CDH12: variants seen among roughly 807,000 people sequenced by gnomAD.
The protein encoded by CDH12 is cadherin-12.
Under a neutral mutation model 74.1 loss-of-function variants are expected in CDH12, and 41 were observed. The ratio of observed to expected loss-of-function variants is 0.55; its 90% CI spans 0.43 to 0.72. CDH12 has a LOEUF of 0.72. CDH12 is among the 30% of genes least tolerant of loss of function. The probability of loss-of-function intolerance (pLI) is 0.00; values close to 1 mark genes in which losing one functional copy is unlikely to be tolerated. For missense variants in CDH12, 945 were observed against 977.2 expected, an observed-to-expected ratio of 0.97 and a Z score of 0.44; for synonymous variants, 399 against 355.0, an observed-to-expected ratio of 1.12 and a Z score of -1.39.
At chr5:22,370,526 T>C (rs1741238934) in intron 3 of CDH12, among the ~76,000 whole-genome samples, 1 of 152,222 alleles carries the variant, frequency 6.6e-6, no homozygotes, top group African/African-American at 2.4e-5. Context: ...TTTAGAAACG[T>C]ATTTTATAGA....
chr5:22,634,412 T>C (rs946254650), intron 1 of CDH12, among the ~76,000 whole-genome samples: 3 of 151,938 alleles, frequency 2.0e-5, no homozygotes, highest in Non-Finnish European at 2.9e-5. Context: ...AGGTCAACAA[T>C]AACCAAAAGA....
intron 1 of CDH12, among the ~76,000 whole-genome samples, chr5:22,616,477 T>TC (rs1489808996): frequency 6.6e-6 from 1 of 152,092 alleles, no homozygotes; most frequent in African/African-American, 2.4e-5. Flanking sequence ...ATGAAGTATA[T>TC]CCAGCAAACA....
chr5:22,717,228 C>T (rs1267911780), intron 1 of CDH12, among the ~76,000 whole-genome samples: 1 of 152,112 alleles, frequency 6.6e-6, no homozygotes. Context: ...ATGGTATATG[C>T]CCTATACAGG....
intron 1 of CDH12, among the ~76,000 whole-genome samples, chr5:22,639,836 C>G (rs979349274): frequency 6.6e-6 from 1 of 152,054 alleles, no homozygotes; most frequent in Non-Finnish European, 1.5e-5. Context: ...ATCAGAAATT[C>G]AAGAGGGAGT....
At chr5:21,819,297 C>A (rs1333111313) in intron 8 of CDH12, among the ~76,000 whole-genome samples, 2 of 151,988 alleles carry the variant, frequency 1.3e-5, no homozygotes, top group Non-Finnish European at 2.9e-5. Context: ...CCCTGAACTT[C>A]TGTTTAATGA....
chr5:22,393,255 A>G (rs1276407350), intron 3 of CDH12, among the ~76,000 whole-genome samples: 4 of 152,160 alleles, frequency 2.6e-5, no homozygotes, highest in Non-Finnish European at 5.9e-5. Context: ...ATTTTACCAA[A>G]AAAAGGAAAC....
chr5:22,537,921 C>T (rs1055166986), intron 1 of CDH12, among the ~76,000 whole-genome samples: 3 of 152,166 alleles, frequency 2.0e-5, no homozygotes, highest in African/African-American at 7.2e-5. Flanking sequence ...TTGCTTAGAG[C>T]AGAGTTTTCC....
intron 4 of CDH12, among the ~76,000 whole-genome samples, chr5:22,199,039 G>T (rs1204682927): frequency 1.3e-5 from 2 of 152,132 alleles, no homozygotes; most frequent in Non-Finnish European, 1.5e-5. Context: ...AGAGGCACAT[G>T]AACTTGAATT....
chr5:21,840,332 T>C (rs918413644), intron 8 of CDH12, among the ~76,000 whole-genome samples: 1 of 152,104 alleles, frequency 6.6e-6, no homozygotes, highest in African/African-American at 2.4e-5. Context: ...TAAAAATTGA[T>C]AGCATAAGAC....
intron 4 of CDH12, among the ~76,000 whole-genome samples, chr5:22,093,209 G>A (rs1276890504): frequency 6.6e-6 from 1 of 152,184 alleles, no homozygotes; most frequent in Non-Finnish European, 1.5e-5. Flanking sequence ...CAGGTGTGGG[G>A]TGAGGTTTTG....
At chr5:21,800,083 T>C (rs11949505) in intron 10 of CDH12, among the ~76,000 whole-genome samples, 98,824 of 152,016 alleles carry the variant, frequency 0.65, 34,015 homozygotes, top group Non-Finnish European at 0.77. Flanking sequence ...CTTTCCTCTT[T>C]CTACATCTTG....
chr5:22,762,961 C>G (rs528872957), intron 1 of CDH12, among the ~76,000 whole-genome samples: 2 of 151,866 alleles, frequency 1.3e-5, no homozygotes, highest in East Asian at 3.9e-4. Flanking sequence ...GTCACTTGAG[C>G]CCAGAATCCT....
intron 3 of CDH12, among the ~76,000 whole-genome samples, chr5:22,253,912 G>A (rs1753219273): frequency 1.3e-5 from 2 of 151,892 alleles, no homozygotes; most frequent in Admixed American, 1.3e-4. Flanking sequence ...CGAATGGAGC[G>A]AGTATGCCTG....
At chr5:22,391,351 C>A (rs1742239808) in intron 3 of CDH12, among the ~76,000 whole-genome samples, 1 of 152,142 alleles carries the variant, frequency 6.6e-6, no homozygotes, top group Non-Finnish European at 1.5e-5. Context: ...TTATTGTCAT[C>A]TGTTAGTAAT....
intron 2 of CDH12, among the ~76,000 whole-genome samples, chr5:22,451,123 G>C (rs1745026699): frequency 1.3e-5 from 2 of 151,634 alleles, no homozygotes; most frequent in South Asian, 4.1e-4. Flanking sequence ...GGTTTCTTGT[G>C]AAATATCCAT....
chr5:22,347,970 T>C (rs1183563313), intron 3 of CDH12, among the ~76,000 whole-genome samples: 1 of 152,188 alleles, frequency 6.6e-6, no homozygotes, highest in Non-Finnish European at 1.5e-5. Context: ...TTAAGCATAA[T>C]GCCTGTGGAG....
In CDH12 at chr5:22,187,733, T is replaced by C. The variant is rs550745600; in HGVS notation, c.-187+24765A>G. Among the ~76,000 whole-genome samples, 186 of 151,674 alleles carry C rather than the reference T, an allele frequency of 1.2e-3. 3 individuals are homozygous for C. The South Asian group carries it at 0.033, about 27-fold the overall frequency. On this transcript the variant is annotated intron_variant, in intron 4 of 14. Coordinates refer to ENST00000382254, the MANE Select transcript of CDH12 (RefSeq NM_004061.5). ...ATCTAAGCTCTGTCAAAGTGATTTCTTATTCCATTTTACTGAAGCAGTGCC... is the reference window on the plus strand; with the variant it reads ...ATCTAAGCTCTGTCAAAGTGATTTCCTATTCCATTTTACTGAAGCAGTGCC...
intron 1 of CDH12, among the ~76,000 whole-genome samples, chr5:22,549,973 A>C (rs1580755892): frequency 6.6e-6 from 1 of 152,272 alleles, no homozygotes; most frequent in African/African-American, 2.4e-5. Flanking sequence ...TCACGAAATT[A>C]CCTTCCAGGT....
chr5:21,955,924 C>A (rs1435720806), intron 6 of CDH12, among the ~76,000 whole-genome samples: 3 of 152,006 alleles, frequency 2.0e-5, no homozygotes, highest in African/African-American at 7.2e-5. Flanking sequence ...TTACAATATT[C>A]TCAAGAACAC....
Sources: gnomAD v4.1 joint callset for allele counts (sites outside exome capture counted in the v4.1 genomes callset) on GRCh38, gnomAD v4.1.1 for gene constraint, MANE v1.5 for transcripts, NCBI Gene and HGNC (gene_info 2026-07-23, HGNC 2026-07-21) for gene names.